Variants in CATSPERB observed in about 807,000 individuals in gnomAD.
CATSPERB encodes catsper channel auxiliary subunit beta, also known as cation channel sperm-associated auxiliary subunit beta.
In CATSPERB, 93 loss-of-function variants were observed where a neutral mutation model predicts 128.3. The observed-to-expected ratio is 0.72, with a 90% CI of 0.61 to 0.86. The LOEUF (loss-of-function observed/expected upper bound fraction) is 0.86. Among genes scored for constraint, CATSPERB ranks in the 40% least tolerant of loss-of-function variants. The probability of loss-of-function intolerance (pLI) is 0.00; values close to 1 mark genes in which losing one functional copy is unlikely to be tolerated. For synonymous variants in CATSPERB, 381 were observed against 448.8 expected (o/e 0.85, Z 1.91); for missense variants, 1,153 against 1,329.5 (o/e 0.87, Z 2.06).
In CATSPERB at chr14:91,592,021, G is replaced by C; in HGVS notation, c.2710-19C>G. The C allele has an allele frequency of 3.3e-6, 5 of 1,498,368 alleles. No homozygotes were observed. The highest frequency in any genetic ancestry group is 4.6e-6 in the Non-Finnish European group (5 of 1,075,496). The allele number at this position is 1,498,368 out of a possible 1,614,324, so 92.8% of individuals were successfully genotyped here. Reference sequence around the variant, plus strand: ...CGGTTTTCTGCAAATAGAAGTAACAGATGTTGACTTGTTTTTCTGCGTTGC... The same window carrying C: ...CGGTTTTCTGCAAATAGAAGTAACACATGTTGACTTGTTTTTCTGCGTTGC... On this transcript the variant is annotated intron_variant, in intron 22 of 26. Coordinates refer to ENST00000256343, the MANE Select transcript of CATSPERB (RefSeq NM_024764.4).
chr14:91,720,987 C>G (rs1014717835), intron 4 of CATSPERB, among the ~76,000 whole-genome samples: 6 of 152,136 alleles, frequency 3.9e-5, no homozygotes, highest in African/African-American at 1.4e-4. Context: ...GAATAATAGT[C>G]TTTTCTACAA....
At chr14:91,728,177 G>A (rs1469402141) in intron 2 of CATSPERB, among the ~76,000 whole-genome samples, 1 of 152,190 alleles carries the variant, frequency 6.6e-6, no homozygotes, top group Non-Finnish European at 1.5e-5. Flanking sequence ...GTAGTGGAGT[G>A]ATCTTGGCTC....
intron 26 of CATSPERB, among the ~76,000 whole-genome samples, chr14:91,581,416 A>C (rs1893205823): frequency 6.6e-6 from 1 of 152,226 alleles, no homozygotes; most frequent in Admixed American, 6.5e-5. Flanking sequence ...ATGGGCAAAG[A>C]GCTCTGGGAA....
At chr14:91,602,911 C>T (rs539502165) in intron 22 of CATSPERB, among the ~76,000 whole-genome samples, 1 of 152,224 alleles carries the variant, frequency 6.6e-6, no homozygotes, top group African/African-American at 2.4e-5. Context: ...ATCATCATCA[C>T]CTTCTCTACT....
intron 14 of CATSPERB, among the ~76,000 whole-genome samples, chr14:91,661,007 T>C (rs903124653): frequency 2.6e-5 from 4 of 152,156 alleles, no homozygotes; most frequent in African/African-American, 7.2e-5. Flanking sequence ...TACAAACACA[T>C]ACAGGAAACA....
intron 14 of CATSPERB, among the ~76,000 whole-genome samples, chr14:91,662,674 T>C (rs1894906535): frequency 2.0e-5 from 3 of 152,208 alleles, no homozygotes; most frequent in Non-Finnish European, 4.4e-5. Context: ...AGCAGCAATA[T>C]ATAAGAAATC....
chr14:91,724,111 A>G (rs1896080601), intron 3 of CATSPERB, among the ~76,000 whole-genome samples: 1 of 152,220 alleles, frequency 6.6e-6, no homozygotes, highest in Non-Finnish European at 1.5e-5. Context: ...CCTGATACAC[A>G]TAAACTCTTT....
chr14:91,692,175 CAAAAAAAAAA>C (rs748422210), intron 9 of CATSPERB, among the ~76,000 whole-genome samples: 1 of 55,512 alleles, frequency 1.8e-5, no homozygotes, highest in Non-Finnish European at 3.7e-5. Context: ...GACTCAGTCT[CAAAAAAAAAA>C]AAAAAAAAAA....
rs143900022 is a variant in CATSPERB at position 91,719,719 on chromosome 14, C to A, written c.310-241G>T. On this transcript the variant is annotated intron_variant, in intron 4 of 26. Transcript: ENST00000256343. ...GAACATTGGAAATAATGAAAATATT[C>A]ATCAGTTATGTATAATATAGCCACA... 5.2e-3 allele frequency among the ~76,000 whole-genome samples: 792 copies of A among 152,174 alleles called. 7 individuals are homozygous for A. The highest frequency in any genetic ancestry group is 0.018 in the African/African-American group (740 of 41,508).
intron 22 of CATSPERB, among the ~76,000 whole-genome samples, chr14:91,607,912 C>T (rs1893743506): frequency 6.6e-6 from 1 of 152,092 alleles, no homozygotes; most frequent in South Asian, 2.1e-4. Flanking sequence ...ATTTTCTAGG[C>T]AGAATCTTAG....
chr14:91,719,272 A>C, intron 5 of CATSPERB, 146 bp downstream of exon 5: 1 of 478,186 alleles, frequency 2.1e-6, no homozygotes. Flanking sequence ...TAAACCACAG[A>C]TAATTTTTAG....
chr14:91,719,590 C>T (rs574779815), intron 4 of CATSPERB, 112 bp from the exon 5 acceptor site: 1 of 675,278 alleles, frequency 1.5e-6, no homozygotes, highest in Non-Finnish European at 2.4e-6. Flanking sequence ...AATGCATATA[C>T]CTTTTACCTA....
At chr14:91,700,178 C>T (rs778557412) in intron 7 of CATSPERB, among the ~76,000 whole-genome samples, 13 of 152,128 alleles carry the variant, frequency 8.5e-5, no homozygotes, top group South Asian at 2.1e-4. Flanking sequence ...TGAGAACATG[C>T]GGTGTTTGGT....
In CATSPERB at chr14:91,693,251, G is replaced by A. The variant is rs200715830; in HGVS notation, c.713-7C>T. On this transcript the variant is annotated splice_polypyrimidine_tract_variant and splice_region_variant and intron_variant, in intron 8 of 26. Coordinates refer to ENST00000256343, the MANE Select transcript of CATSPERB (RefSeq NM_024764.4). ...AATGAAAGGTCTTCATATTCTAAAC[G>A]AAGAAATCATACCATGGATTAAAAA... 1.9e-5 allele frequency: 30 copies of A among 1,597,888 alleles called. No individual in the cohort carries two copies. The Admixed American group carries it at 3.9e-4, about 21-fold the overall frequency.
intron 17 of CATSPERB, among the ~76,000 whole-genome samples, chr14:91,632,816 A>AACACACAC (rs112899550): frequency 6.7e-6 from 1 of 150,046 alleles, no homozygotes; most frequent in African/African-American, 2.4e-5. Flanking sequence ...AGTCACTTAA[A>AACACACAC]ACACACACAC....
At chr14:91,615,506 T>C (rs1437893067) in intron 20 of CATSPERB, among the ~76,000 whole-genome samples, 1 of 152,226 alleles carries the variant, frequency 6.6e-6, no homozygotes, top group Non-Finnish European at 1.5e-5. Context: ...TTCTATGAGT[T>C]CAATTTTTTA....
At chr14:91,690,943 C>A (rs1399307337) in intron 10 of CATSPERB, among the ~76,000 whole-genome samples, 4 of 152,216 alleles carry the variant, frequency 2.6e-5, no homozygotes, top group African/African-American at 9.6e-5. Context: ...CCAACCGAAG[C>A]ATGCTTATAT....
intron 11 of CATSPERB, among the ~76,000 whole-genome samples, chr14:91,681,110 C>G (rs933978261): frequency 6.6e-6 from 1 of 152,192 alleles, no homozygotes; most frequent in Non-Finnish European, 1.5e-5. Flanking sequence ...GTCAGGACCA[C>G]TTTCATAAAT....
chr14:91,699,748 A>G (rs996272645), intron 7 of CATSPERB, among the ~76,000 whole-genome samples: 3 of 151,394 alleles, frequency 2.0e-5, no homozygotes, highest in South Asian at 2.1e-4. Flanking sequence ...TAATTTTTGT[A>G]TTTTAGTAGA....
Sources: allele counts gnomAD v4.1 joint callset (sites outside exome capture counted in the v4.1 genomes callset), GRCh38; gene constraint gnomAD v4.1.1; transcripts MANE v1.5; gene names NCBI Gene and HGNC (gene_info 2026-07-23, HGNC 2026-07-21).